Variants in UBE2G2 observed in about 807,000 individuals in gnomAD.
UBE2G2 encodes ubiquitin conjugating enzyme E2 G2, also known as ubiquitin-conjugating enzyme E2 G2.
In UBE2G2, 10 loss-of-function variants were observed where a neutral mutation model predicts 23.0. The ratio of observed to expected loss-of-function variants is 0.43; its 90% CI spans 0.27 to 0.74. UBE2G2 has a LOEUF of 0.74. Among genes scored for constraint, UBE2G2 ranks in the 30% least tolerant of loss-of-function variants. UBE2G2 has a pLI of 0.19. For synonymous variants in UBE2G2, 86 were observed against 81.3 expected (o/e 1.06, Z -0.31); for missense variants, 150 against 218.3 (o/e 0.69, Z 1.97).
At position 44,771,478 on chromosome 21, in the gene UBE2G2, C is replaced by T. The variant is rs782168462; in HGVS notation, c.397G>A (p.Glu133Lys). 9 of 1,611,630 alleles carry T rather than the reference C, an allele frequency of 5.6e-6. No individual in the cohort carries two copies. Among genetic ancestry groups the T allele is most frequent in the African/African-American group, 1.3e-5 (1 of 75,036 alleles). Residue 133 changes from glutamate to lysine, a missense_variant, in exon 6 of 6, where the codon GAA (glutamate) becomes AAA (lysine). Glu to Lys is a moderately conservative substitution (Grantham distance 56). Coordinates refer to ENST00000345496, the MANE Select transcript of UBE2G2 (RefSeq NM_003343.6). This position sits in a 1 kb window ranked among gnomAD's most constrained non-coding sequence, Gnocchi z 4.6. The stretch of plus-strand genomic sequence containing the variant: ...GACGCATCCACGTTAGCTCCACTTT[C>T]GTCATTGGGCTCTGAAAGAAAAGGG... ...VVSMLAEPND[E>K]SGANVDASKM...
chr21:44,797,442 C>T (rs901034695), intron 1 of UBE2G2, among the ~76,000 whole-genome samples: 3 of 152,142 alleles, frequency 2.0e-5, no homozygotes, highest in African/African-American at 4.8e-5. Flanking sequence ...GAAGGCCGGG[C>T]GTGGTGGCTC....
rs1198101932 is a variant in UBE2G2, at chr21:44,769,682, A to C, written c.*1695T>G. 6.6e-6 allele frequency: 1 copy of C among 152,174 alleles called. No homozygotes were observed. Among genetic ancestry groups the C allele is most frequent in the African/African-American group, 2.4e-5 (1 of 41,440 alleles). 9.4% of individuals were successfully genotyped at this position (152,174 alleles called of 1,614,324 possible). ...CGTGAGCCACAGCACCCAGCCTCCAAATTTTAAATGAGCCCCTTGTGAGAA... is the reference window on the plus strand; with the variant it reads ...CGTGAGCCACAGCACCCAGCCTCCACATTTTAAATGAGCCCCTTGTGAGAA... On this transcript the variant is annotated 3_prime_UTR_variant, in exon 6 of 6. Coordinates refer to ENST00000345496, the MANE Select transcript of UBE2G2 (RefSeq NM_003343.6).
At chr21:44,780,883 C>T (rs1229519186) in intron 3 of UBE2G2, among the ~76,000 whole-genome samples, 2 of 152,202 alleles carry the variant, frequency 1.3e-5, no homozygotes, top group Admixed American at 1.3e-4. Context: ...GCCTTTCTAA[C>T]ACTTTTTACT....
chr21:44,799,308 G>T (rs1441640741), intron 1 of UBE2G2, among the ~76,000 whole-genome samples: 2 of 152,218 alleles, frequency 1.3e-5, no homozygotes, highest in Admixed American at 1.3e-4. Context: ...GTCCTTTGAA[G>T]CCAGTCATTG....
intron 1 of UBE2G2, chr21:44,800,594 G>A (rs1489231131): frequency 6.6e-6 from 1 of 152,142 alleles, no homozygotes; most frequent in African/African-American, 2.4e-5. Flanking sequence ...CTGCAGCGGG[G>A]CCTGGAACCA....
At chr21:44,795,598 C>T (rs1431983712) in intron 1 of UBE2G2, among the ~76,000 whole-genome samples, 1 of 151,428 alleles carries the variant, frequency 6.6e-6, no homozygotes, top group African/African-American at 2.4e-5. Flanking sequence ...CACCACTGCA[C>T]TCTAGCCCGA....
chr21:44,777,447 T>G, intron 3 of UBE2G2, 30 bp from the exon 4 acceptor site: 2 of 1,600,626 alleles, frequency 1.2e-6, no homozygotes, highest in Non-Finnish European at 1.7e-6. Flanking sequence ...TAGACTGAAC[T>G]TCAAAGTACA....
intron 1 of UBE2G2, chr21:44,800,116 A>AAG (rs1290853142): frequency 6.6e-6 from 1 of 152,240 alleles, no homozygotes; most frequent in Non-Finnish European, 1.5e-5. Flanking sequence ...ATTAAAATGT[A>AAG]AGAGAGAGAC....
intron 3 of UBE2G2, chr21:44,779,320 CT>C (rs1181105716): frequency 1.8e-5 from 5 of 282,924 alleles, no homozygotes; most frequent in African/African-American, 1.1e-4. Context: ...TCTTTGCTAC[CT>C]TTTCAGAAGA....
At position 44,794,687 on chromosome 21, in the gene UBE2G2, A is replaced by G. The variant is rs573299828; in HGVS notation, c.44-6592T>C. ...GTAGCTGGGACTACAGGGGTCCGCCACCATGCCCAGCTAATTTTTTGTATT... is the reference window on the plus strand; with the variant it reads ...GTAGCTGGGACTACAGGGGTCCGCCGCCATGCCCAGCTAATTTTTTGTATT... On this transcript the variant is annotated intron_variant, in intron 1 of 5. Coordinates refer to ENST00000345496, the MANE Select transcript of UBE2G2 (RefSeq NM_003343.6). Among the ~76,000 whole-genome samples, 705 of 152,082 alleles carry G rather than the reference A, an allele frequency of 4.6e-3. 2 individuals are homozygous for G. The highest frequency in any genetic ancestry group is 0.02 in the Middle Eastern group (6 of 294).
rs1047609372 is a variant in UBE2G2, at chr21:44,772,760, C to T, written c.385+787G>A. ...CAAGGTCTCCCAAACCCACCCCTTCCTCTTAGCCCTGGGACCACTCAGCCC... is the reference window on the plus strand; with the variant it reads ...CAAGGTCTCCCAAACCCACCCCTTCTTCTTAGCCCTGGGACCACTCAGCCC... On this transcript the variant is annotated intron_variant, in intron 5 of 5. Transcript: ENST00000345496. This position sits in a 1 kb window ranked among gnomAD's most constrained non-coding sequence, Gnocchi z 5.4. 6.6e-6 allele frequency among the ~76,000 whole-genome samples: 1 copy of T among 152,182 alleles called. No individual in the cohort carries two copies. Among genetic ancestry groups the T allele is most frequent in the Non-Finnish European group, 1.5e-5 (1 of 68,030 alleles).
chr21:44,769,915 G>A lies in UBE2G2; in HGVS notation c.*1462C>T, dbSNP rs1555959606. On this transcript the variant is annotated 3_prime_UTR_variant, in exon 6 of 6. Coordinates refer to ENST00000345496, the MANE Select transcript of UBE2G2 (RefSeq NM_003343.6). ...ATTCCTATTTAAATGCCGCCCGTGT[G>A]CGACAGGCCTGATATTTGCTTCTGC... The A allele has an allele frequency of 1.3e-5, 2 of 152,252 alleles. No individual in the cohort carries two copies. The highest frequency in any genetic ancestry group is 6.5e-5 in the Admixed American group (1 of 15,280). 9.4% of individuals were successfully genotyped at this position (152,252 alleles called of 1,614,324 possible).
Position 44,771,429 on chromosome 21 carries a change from T to C in UBE2G2, c.446A>G (p.Glu149Gly), listed in dbSNP as rs1555959920. ...DASKMWRDDR[E>G]QFYKIAKQIV... is the part of the protein sequence containing the mutation. The stretch of plus-strand genomic sequence containing the variant: ...CTGCTTGGCAATCTTATAGAACTGC[T>C]CCCGGTCATCGCGCCACATTTTGGA... Residue 149 changes from glutamate to glycine, a missense_variant, in exon 6 of 6, where the codon GAG becomes GGG. By Grantham distance (98) the Glu-to-Gly change is moderately conservative. Coordinates refer to ENST00000345496, the MANE Select transcript of UBE2G2 (RefSeq NM_003343.6). The surrounding 1 kb of genome is among the most constrained non-coding windows in gnomAD (Gnocchi z 4.6). The C allele has an allele frequency of 6.2e-7, 1 of 1,613,178 alleles. No individual in the cohort carries two copies. Among genetic ancestry groups the C allele is most frequent in the Non-Finnish European group, 8.5e-7 (1 of 1,180,034 alleles).
intron 4 of UBE2G2, 67 bp from the exon 5 acceptor site, chr21:44,773,754 G>A: frequency 1.9e-6 from 3 of 1,574,102 alleles, no homozygotes; most frequent in Non-Finnish European, 2.6e-6. Context: ...CGCTTGGGCA[G>A]GCTCCACAGA....
intron 3 of UBE2G2, among the ~76,000 whole-genome samples, chr21:44,784,052 G>C (rs1410428780): frequency 2.6e-5 from 4 of 152,020 alleles, no homozygotes; most frequent in African/African-American, 9.7e-5. Flanking sequence ...GCTACTTGTG[G>C]GGCTGAGGTG....
At chr21:44,793,008 T>C (rs2083057429) in intron 1 of UBE2G2, among the ~76,000 whole-genome samples, 1 of 152,250 alleles carries the variant, frequency 6.6e-6, no homozygotes, top group Non-Finnish European at 1.5e-5. Flanking sequence ...AGCCACACCC[T>C]GATGTTCTCC....
In UBE2G2 at chr21:44,791,187, G is replaced by A. The variant is rs144850733; in HGVS notation, c.44-3092C>T. ...CAGGGAATAAAAGTTTGAAAACTTC[G>A]CAGCATGACGGTGCAATAAAAAAGA... is the stretch of plus-strand genomic sequence containing the variant. On this transcript the variant is annotated intron_variant, in intron 1 of 5. Transcript: ENST00000345496. Among the ~76,000 whole-genome samples, 352 of 152,254 alleles carry A rather than the reference G, an allele frequency of 2.3e-3. 1 individual carries two copies. Among genetic ancestry groups the A allele is most frequent in the African/African-American group, 7.6e-3 (314 of 41,550 alleles).
chr21:44,798,324 C>T (rs1555964195), intron 1 of UBE2G2, among the ~76,000 whole-genome samples: 1 of 152,136 alleles, frequency 6.6e-6, no homozygotes, highest in East Asian at 1.9e-4. Flanking sequence ...TTGCTGAAGG[C>T]AGGAGTGGCT....
At chr21:44,793,622 T>C (rs1363474739) in intron 1 of UBE2G2, among the ~76,000 whole-genome samples, 1 of 152,162 alleles carries the variant, frequency 6.6e-6, no homozygotes, top group Admixed American at 6.5e-5. Context: ...CACAAAATAA[T>C]ATACAGTTTC....
Sources: gnomAD v4.1 joint callset for allele counts (sites outside exome capture counted in the v4.1 genomes callset) on GRCh38, gnomAD v4.1.1 for gene constraint, Gnocchi (gnomAD v3.1) non-coding constraint, MANE v1.5 for transcripts, NCBI Gene and HGNC (gene_info 2026-07-23, HGNC 2026-07-21) for gene names.